NFE2L3: variants seen among roughly 807,000 people sequenced by gnomAD.
NFE2L3 encodes NFE2 like bZIP transcription factor 3.
NFE2L3 carries 18 observed loss-of-function variants against 23.5 expected under a neutral mutation model. The ratio of observed to expected loss-of-function variants is 0.77; its 90% confidence interval spans 0.53 to 1.13. The LOEUF (loss-of-function observed/expected upper bound fraction) is 1.13. Ranked by LOEUF, NFE2L3 falls within the 50% of genes most tolerant of loss-of-function variation. The pLI, the probability that NFE2L3 is intolerant of heterozygous loss-of-function variation, is 0.00. For missense variants in NFE2L3, 1,152 were observed against 877.2 expected (o/e 1.31, Z -3.96); for synonymous variants, 424 against 354.5 (o/e 1.20, Z -2.20).
At chr7:26,183,811 C>A in intron 3 of NFE2L3, 27 bp downstream of exon 3, 2 of 1,463,088 alleles carry the variant, frequency 1.4e-6, no homozygotes, top group East Asian at 2.3e-5. Flanking sequence ...CTTTTATCCT[C>A]GCAGGAACAT....
Position 26,177,979 on chromosome 7 carries a change from G to T in NFE2L3, c.607G>T (p.Asp203Tyr). The change falls in exon 2 of 4, where the codon GAT (aspartate) becomes TAT (tyrosine). Residue 203 changes from aspartate to tyrosine, a missense_variant. Coordinates refer to ENST00000056233, the MANE Select transcript of NFE2L3 (RefSeq NM_004289.7). ...GVLREKHEAV[D>Y]HSSQHEENEE... ...ACTAAGAGAAAAGCACGAAGCTGTGGATCATAGTTCCCAGCATGAGGAAAA... is the reference window on the plus strand; with the variant it reads ...ACTAAGAGAAAAGCACGAAGCTGTGTATCATAGTTCCCAGCATGAGGAAAA... 1 of 1,614,004 alleles carries T rather than the reference G, an allele frequency of 6.2e-7. No individual in the cohort carries two copies. The highest frequency in any genetic ancestry group is 8.5e-7 in the Non-Finnish European group (1 of 1,179,948).
At chr7:26,170,727 C>T (rs1784319689) in intron 1 of NFE2L3, among the ~76,000 whole-genome samples, 1 of 151,982 alleles carries the variant, frequency 6.6e-6, no homozygotes, top group Non-Finnish European at 1.5e-5. Flanking sequence ...ATTCTTTTTT[C>T]AAAACCAGGA....
rs1405670301 is a variant in NFE2L3, at chr7:26,152,843, C to A, written c.345C>A (p.Ser115Arg). 2 of 1,474,842 alleles carry A rather than the reference C, an allele frequency of 1.4e-6. No homozygotes were observed. Among genetic ancestry groups the A allele is most frequent in the Non-Finnish European group, 8.9e-7 (1 of 1,120,736 alleles). The allele number at this position is 1,474,842 out of a possible 1,614,324, so 91.4% of individuals were successfully genotyped here. Residue 115 changes from serine to arginine, a missense_variant, in exon 1 of 4, where the codon AGC (serine) becomes AGA (arginine). Coordinates refer to ENST00000056233, the MANE Select transcript of NFE2L3 (RefSeq NM_004289.7). The surrounding 1 kb of genome is among the most constrained non-coding windows in gnomAD (Gnocchi z 4.4). ...RTSVDAWLVH[S>R]VAAGSADEAH... is the part of the protein sequence containing the mutation. ...GCGTGGATGCATGGCTGGTGCACAG[C>A]GTGGCTGCCGGGAGCGCGGACGAGG...
In NFE2L3 at chr7:26,184,545, G is replaced by A. The variant is rs2128100623; in HGVS notation, c.847G>A (p.Gly283Arg). ...CTTCGTTTTTCAGGGCATCTCATTGGGAGATATTCCTCTTCCAGGCAGTAT... is the reference window on the plus strand; with the variant it reads ...CTTCGTTTTTCAGGGCATCTCATTGAGAGATATTCCTCTTCCAGGCAGTAT... ...PENSLEGISL[G>R]DIPLPGSISD... Residue 283 changes from glycine to arginine, a missense_variant, in exon 4 of 4, where the codon GGA becomes AGA. Physicochemically the swap from Gly to Arg is moderately radical, Grantham distance 125 (BLOSUM62 -2). Transcript: ENST00000056233. The A allele has an allele frequency of 6.2e-7, 1 of 1,610,316 alleles. No individual in the cohort carries two copies. The highest frequency in any genetic ancestry group is 2.2e-5 in the East Asian group (1 of 44,830).
intron 1 of NFE2L3, among the ~76,000 whole-genome samples, chr7:26,163,661 ATTTAT>A (rs1351626064): frequency 2.0e-5 from 3 of 151,922 alleles, no homozygotes; most frequent in Non-Finnish European, 4.4e-5. Context: ...TTCTTTATTT[ATTTAT>A]TTTATTATAC....
intron 1 of NFE2L3, among the ~76,000 whole-genome samples, chr7:26,158,171 C>G (rs903716227): frequency 3.3e-5 from 5 of 152,162 alleles, no homozygotes; most frequent in African/African-American, 4.8e-5. Context: ...GCCTCAGCCT[C>G]CCAAGTAGCT....
At position 26,187,057 on chromosome 7, in the gene NFE2L3, C is replaced by G. The variant is rs1221871128; in HGVS notation, c.*1274C>G. On this transcript the variant is annotated 3_prime_UTR_variant, in exon 4 of 4. Coordinates refer to ENST00000056233, the MANE Select transcript of NFE2L3 (RefSeq NM_004289.7). ...ACAGTGTAGAGTATCACATAAGTAT[C>G]TTGGGCTAGAGAAATGCAGTTTATA... 1 of 152,140 alleles carries G rather than the reference C, an allele frequency of 6.6e-6. No homozygotes were observed. The highest frequency in any genetic ancestry group is 1.5e-5 in the Non-Finnish European group (1 of 68,026). The allele number at this position is 152,140 out of a possible 1,614,324, so 9.4% of individuals were successfully genotyped here. A position where few individuals can be genotyped will look rare whatever the true frequency, so the allele number is the denominator to read the frequency against.
Position 26,185,673 on chromosome 7 carries a change from C to A in NFE2L3, c.1975C>A (p.Pro659Thr). Residue 659 changes from proline to threonine, a missense_variant, in exon 4 of 4, where the codon CCC becomes ACC. By Grantham distance (38) the Pro-to-Thr change is conservative. Coordinates refer to ENST00000056233, the MANE Select transcript of NFE2L3 (RefSeq NM_004289.7). ...AGATGACCAAGGTAGGCCAGTCAAT[C>A]CCAACCACTATGCTCTCCAGTGTAC... ...LRDDQGRPVN[P>T]NHYALQCTHD... 6.2e-7 allele frequency: 1 copy of A among 1,613,872 alleles called. No homozygotes were observed. The highest frequency in any genetic ancestry group is 8.5e-7 in the Non-Finnish European group (1 of 1,179,804).
chr7:26,153,428 T>C (rs1784030230), intron 1 of NFE2L3, among the ~76,000 whole-genome samples: 1 of 152,154 alleles, frequency 6.6e-6, no homozygotes, highest in Non-Finnish European at 1.5e-5. Context: ...CTGGGACCCG[T>C]GCCCGACCTG....
chr7:26,168,133 G>GTCTTTTTTTT (rs1784278045), intron 1 of NFE2L3, among the ~76,000 whole-genome samples: 1 of 148,362 alleles, frequency 6.7e-6, no homozygotes, highest in South Asian at 2.1e-4. Flanking sequence ...TGTCATTCTT[G>GTCTTTTTTTT]TCTTTTTTTT....
Position 26,185,961 on chromosome 7 carries a change from A to G in NFE2L3, c.*178A>G. On this transcript the variant is annotated 3_prime_UTR_variant, in exon 4 of 4. Coordinates refer to ENST00000056233, the MANE Select transcript of NFE2L3 (RefSeq NM_004289.7). The stretch of plus-strand genomic sequence containing the variant: ...CAAATGTTTAGGACTTCAAGATCAC[A>G]CTTGTGGGCAATCTGGGGGAGCCAC... 1.8e-6 allele frequency: 1 copy of G among 543,266 alleles called. No homozygotes were observed. The highest frequency in any genetic ancestry group is 3.1e-6 in the Non-Finnish European group (1 of 321,208). The allele number at this position is 543,266 out of a possible 1,614,324, so 33.7% of individuals were successfully genotyped here. A position where few individuals can be genotyped will look rare whatever the true frequency, so the allele number is the denominator to read the frequency against.
chr7:26,177,868 A>AT, intron 1 of NFE2L3, 75 bp from the exon 2 acceptor site: 10 of 1,274,512 alleles, frequency 7.8e-6, no homozygotes, highest in Non-Finnish European at 1.1e-5. Flanking sequence ...GTGGGTTTTC[A>AT]TGGTCCCTGA....
At chr7:26,154,303 C>T (rs1483641738) in intron 1 of NFE2L3, among the ~76,000 whole-genome samples, 2 of 152,184 alleles carry the variant, frequency 1.3e-5, no homozygotes, top group Admixed American at 1.3e-4. Flanking sequence ...GGGTCTGTCT[C>T]ACCTAAATGC....
At chr7:26,180,685 A>G (rs1343828896) in intron 2 of NFE2L3, among the ~76,000 whole-genome samples, 1 of 152,212 alleles carries the variant, frequency 6.6e-6, no homozygotes. Flanking sequence ...TGGGCTTCCC[A>G]GAAAAGCAAG....
chr7:26,182,637 A>G (rs1291311623), intron 2 of NFE2L3, among the ~76,000 whole-genome samples: 1 of 152,120 alleles, frequency 6.6e-6, no homozygotes. Context: ...AAATAATTCC[A>G]TGTAACAAAA....
chr7:26,160,572 T>G (rs369862730), intron 1 of NFE2L3, among the ~76,000 whole-genome samples: 1 of 152,362 alleles, frequency 6.6e-6, no homozygotes, highest in South Asian at 2.1e-4. Flanking sequence ...CCAGAAACTC[T>G]GGAAGCTCCG....
chr7:26,156,995 C>G (rs1784091960), intron 1 of NFE2L3, among the ~76,000 whole-genome samples: 1 of 152,090 alleles, frequency 6.6e-6, no homozygotes, highest in South Asian at 2.1e-4. Context: ...GCCTGTAGTC[C>G]CAGCTACTCG....
At chr7:26,173,125 A>G (rs1357929455) in intron 1 of NFE2L3, among the ~76,000 whole-genome samples, 1 of 152,124 alleles carries the variant, frequency 6.6e-6, no homozygotes, top group Non-Finnish European at 1.5e-5. Flanking sequence ...ATTATATTAT[A>G]CCTAATTTTG....
At chr7:26,156,936 C>T (rs1011545969) in intron 1 of NFE2L3, among the ~76,000 whole-genome samples, 2 of 152,046 alleles carry the variant, frequency 1.3e-5, no homozygotes, top group East Asian at 1.9e-4. Context: ...CACGGTGAAA[C>T]CCCGTCTCTA....
Sources: allele counts gnomAD v4.1 joint callset (sites outside exome capture counted in the v4.1 genomes callset), GRCh38; gene constraint gnomAD v4.1.1; non-coding constraint Gnocchi (gnomAD v3.1); transcripts MANE v1.5; gene names NCBI Gene and HGNC (gene_info 2026-07-23, HGNC 2026-07-21).